The following CDC23 variants were observed in gnomAD, a reference collection of about 807,000 sequenced individuals.
CDC23 encodes cell division cycle protein 23 homolog.
In CDC23, 26 loss-of-function variants were observed where a neutral mutation model predicts 81.7. That is an observed-to-expected ratio of 0.32 (90% CI 0.23 to 0.44). The LOEUF is 0.44. Among genes scored for constraint, CDC23 ranks in the 20% least tolerant of loss-of-function variants. The pLI, the probability that CDC23 is intolerant of heterozygous loss-of-function variation, is 1.00. For synonymous variants in CDC23, 267 were observed against 270.8 expected, an observed-to-expected ratio of 0.99 and a Z score of 0.14; for missense variants, 519 against 728.0, an observed-to-expected ratio of 0.71 and a Z score of 3.30.
At chr5:138,197,232 G>A (rs942971639) in intron 9 of CDC23, among the ~76,000 whole-genome samples, 5 of 148,174 alleles carry the variant, frequency 3.4e-5, no homozygotes, top group African/African-American at 1.3e-4. Context: ...TGTAAACCCG[G>A]GAGGCAGAGC....
At chr5:138,198,854 T>A in intron 6 of CDC23, 72 bp from the exon 7 acceptor site, 1 of 1,448,112 alleles carries the variant, frequency 6.9e-7, no homozygotes, top group Non-Finnish European at 9.4e-7. Context: ...CCAGGAACTA[T>A]CTTTATTATC....
At chr5:138,202,018 C>T in intron 4 of CDC23, 95 bp downstream of exon 4, 1 of 841,742 alleles carries the variant, frequency 1.2e-6, no homozygotes, top group Non-Finnish European at 2.0e-6. Flanking sequence ...TAATGGTTAT[C>T]CTCAGACCAT....
chr5:138,193,237 A>AT (rs1754845465), intron 9 of CDC23, among the ~76,000 whole-genome samples: 1 of 152,110 alleles, frequency 6.6e-6, no homozygotes, highest in African/African-American at 2.4e-5. Flanking sequence ...CTATATATAC[A>AT]TTTTCTTAGA....
intron 4 of CDC23, 132 bp downstream of exon 4, chr5:138,201,981 G>C: frequency 1.5e-6 from 1 of 655,888 alleles, no homozygotes; most frequent in Admixed American, 3.0e-5. Flanking sequence ...CAAGGTAGCT[G>C]AGATAAGCCA....
chr5:138,203,874 C>T (rs1452612821), intron 3 of CDC23, among the ~76,000 whole-genome samples: 1 of 151,956 alleles, frequency 6.6e-6, no homozygotes, highest in Non-Finnish European at 1.5e-5. Flanking sequence ...GATCACAACA[C>T]TGCACTCCAG....
chr5:138,201,776 G>A (rs17234814), intron 4 of CDC23, among the ~76,000 whole-genome samples: 47 of 152,218 alleles, frequency 3.1e-4, no homozygotes, highest in African/African-American at 9.6e-4. Context: ...AACTACTAAT[G>A]GGTTTACAGT....
At chr5:138,207,389 C>G (rs1351468135) in intron 2 of CDC23, among the ~76,000 whole-genome samples, 1 of 152,150 alleles carries the variant, frequency 6.6e-6, no homozygotes. Context: ...CTTCTCTTAG[C>G]ATCCATTTCT....
In CDC23 at chr5:138,209,932, A is replaced by C. The variant is rs957039145; in HGVS notation, c.234+3059T>G. Among the ~76,000 whole-genome samples the C allele has an allele frequency of 2.0e-5, 3 of 152,064 alleles. No homozygotes were observed. The East Asian group carries it at 5.8e-4, about 29-fold the overall frequency. The stretch of plus-strand genomic sequence containing the variant: ...ACTTTAAATATCACAGTTATGGCTG[A>C]GAGCAGTGAATCATGCATGTAATCC... On this transcript the variant is annotated intron_variant, in intron 2 of 15. Coordinates refer to ENST00000394886, the MANE Select transcript of CDC23 (RefSeq NM_004661.4).
At chr5:138,210,061 A>G (rs1311262180) in intron 2 of CDC23, among the ~76,000 whole-genome samples, 5 of 151,512 alleles carry the variant, frequency 3.3e-5, no homozygotes, top group African/African-American at 1.2e-4. Context: ...TAAAAATACA[A>G]AAAAATTAGC....
At chr5:138,213,095 A>G in intron 1 of CDC23, 32 bp from the exon 2 acceptor site, 3 of 1,614,070 alleles carry the variant, frequency 1.9e-6, no homozygotes. Context: ...GATCAGCTCG[A>G]CAAGCCCCCC....
In CDC23 at chr5:138,187,737, A is replaced by C; in HGVS notation, c.*1241T>G. On this transcript the variant is annotated 3_prime_UTR_variant, in exon 16 of 16. Coordinates refer to ENST00000394886, the MANE Select transcript of CDC23 (RefSeq NM_004661.4). The stretch of plus-strand genomic sequence containing the variant: ...GGGACAGAAAAATTAAGAATCAAAC[A>C]TCATTCTGGACCATGGGAACCTTGA... 1 of 249,650 alleles carries C rather than the reference A, an allele frequency of 4.0e-6. No homozygotes were observed. The highest frequency in any genetic ancestry group is 7.9e-6 in the Non-Finnish European group (1 of 127,242). 15.5% of individuals were successfully genotyped at this position (249,650 alleles called of 1,614,324 possible).
intron 3 of CDC23, 134 bp downstream of exon 3, chr5:138,206,413 T>A: frequency 1.2e-6 from 1 of 844,164 alleles, no homozygotes; most frequent in Non-Finnish European, 2.0e-6. Flanking sequence ...ATATCTTTTT[T>A]TTATTATTGC....
At chr5:138,196,588 C>G (rs1754909732) in intron 9 of CDC23, among the ~76,000 whole-genome samples, 1 of 138,052 alleles carries the variant, frequency 7.2e-6, no homozygotes, top group Non-Finnish European at 1.6e-5. Context: ...CCGTGCCCGG[C>G]CTTTTTTTTT....
intron 9 of CDC23, among the ~76,000 whole-genome samples, chr5:138,195,724 ATATATATACATATAATATATATG>A (rs1417651597): frequency 2.8e-3 from 158 of 56,816 alleles, no homozygotes; most frequent in African/African-American, 8.3e-3. Context: ...ATATATATGT[ATATATATACATATAATATATATG>A]TATATATATA....
intron 3 of CDC23, chr5:138,206,307 T>C (rs551428705): frequency 1.9e-6 from 1 of 540,514 alleles, no homozygotes; most frequent in East Asian, 3.0e-5. Flanking sequence ...GAACCTTATA[T>C]AACCTAAAGT....
intron 2 of CDC23, among the ~76,000 whole-genome samples, chr5:138,210,293 C>T (rs984989313): frequency 4.6e-5 from 7 of 151,328 alleles, no homozygotes; most frequent in East Asian, 2.0e-4. Context: ...TGGGATGCCT[C>T]GGTGGGTGGA....
intron 9 of CDC23, 94 bp from the exon 10 acceptor site, chr5:138,192,751 C>T (rs1754840551): frequency 9.1e-7 from 1 of 1,102,766 alleles, no homozygotes; most frequent in Non-Finnish European, 1.3e-6. Context: ...GGCGTGAAAC[C>T]ATAACCCATT....
At chr5:138,193,338 G>A (rs1322056453) in intron 9 of CDC23, among the ~76,000 whole-genome samples, 1 of 152,196 alleles carries the variant, frequency 6.6e-6, no homozygotes, top group Non-Finnish European at 1.5e-5. Context: ...ACTCACGCCT[G>A]TAATCCCAGC....
intron 4 of CDC23, 66 bp from the exon 5 acceptor site, chr5:138,201,514 AT>A: frequency 1.8e-6 from 2 of 1,117,022 alleles, no homozygotes; most frequent in South Asian, 1.5e-5. Context: ...TATTTTATTT[AT>A]TTATTTATTT....
Sources: gnomAD v4.1 joint callset for allele counts (sites outside exome capture counted in the v4.1 genomes callset) on GRCh38, gnomAD v4.1.1 for gene constraint, MANE v1.5 for transcripts, NCBI Gene and HGNC (gene_info 2026-07-23, HGNC 2026-07-21) for gene names.